The following CNNM2 variants were observed in gnomAD, a reference collection of about 807,000 sequenced individuals.
The protein encoded by CNNM2 is cyclin and CBS domain divalent metal cation transport mediator 2, also known as metal transporter CNNM2.
In CNNM2, 12 loss-of-function variants were observed where a neutral mutation model predicts 66.9. That is an observed-to-expected ratio of 0.18 (90% CI 0.11 to 0.29). The LOEUF is 0.29. Ranked by LOEUF, CNNM2 falls within the 10% of genes least tolerant of loss-of-function variation. CNNM2 has a pLI of 1.00. For missense variants in CNNM2, 705 were observed against 1,167.7 expected, an observed-to-expected ratio of 0.60 and a Z score of 5.77; for synonymous variants, 557 against 501.8, an observed-to-expected ratio of 1.11 and a Z score of -1.47.
At chr10:103,039,187 C>G (rs1388057500) in intron 1 of CNNM2, among the ~76,000 whole-genome samples, 2 of 152,042 alleles carry the variant, frequency 1.3e-5, no homozygotes, top group African/African-American at 4.8e-5. Flanking sequence ...CTCTGTCAGC[C>G]AGGCTGGAAT....
chr10:103,059,688 A>G (rs1413317423), intron 4 of CNNM2, among the ~76,000 whole-genome samples: 1 of 152,240 alleles, frequency 6.6e-6, no homozygotes, highest in Non-Finnish European at 1.5e-5. Flanking sequence ...ATACGTATGT[A>G]AGAAATAGGA....
intron 1 of CNNM2, among the ~76,000 whole-genome samples, chr10:102,920,738 C>T (rs1164624879): frequency 6.6e-6 from 1 of 152,092 alleles, no homozygotes; most frequent in South Asian, 2.1e-4. Flanking sequence ...CTTCTCTTAG[C>T]TAGAAAAGAG....
rs568103326 is a variant in CNNM2, at chr10:102,941,558, C to G, written c.1621+21457C>G. Among the ~76,000 whole-genome samples, 71 of 152,348 alleles carry G rather than the reference C, an allele frequency of 4.7e-4. 1 individual carries two copies. The South Asian group carries it at 0.014, about 31-fold the overall frequency. On this transcript the variant is annotated intron_variant, in intron 1 of 7. Coordinates refer to ENST00000369878, the MANE Select transcript of CNNM2 (RefSeq NM_017649.5). ...ACCTCTGGCTGTTTCCTGAGTGCCA[C>G]AGGTACTCTAGGCATGCCCCTGCCT...
intron 1 of CNNM2, among the ~76,000 whole-genome samples, chr10:102,955,609 T>G (rs1451485263): frequency 6.6e-6 from 1 of 152,052 alleles, no homozygotes; most frequent in Non-Finnish European, 1.5e-5. Context: ...GGGAGAAAAT[T>G]TTTGCAATCT....
At chr10:102,958,459 GTTTTTTTTTTTTTT>G (rs33992570) in intron 1 of CNNM2, among the ~76,000 whole-genome samples, 11 of 51,746 alleles carry the variant, frequency 2.1e-4, no homozygotes, top group Admixed American at 5.4e-4. Context: ...CAAGCAACTT[GTTTTTTTTTTTTTT>G]TTTTTTTTTT....
In CNNM2 at chr10:103,036,323, A is replaced by G. The variant is rs189032200; in HGVS notation, c.1622-13384A>G. On this transcript the variant is annotated intron_variant, in intron 1 of 7. Transcript: ENST00000369878. The stretch of plus-strand genomic sequence containing the variant: ...GGAGAAATTTCTTCTCTCCTTCAGA[A>G]AGTCTTAAGGCCCGGCTTTTAAGGC... Among the ~76,000 whole-genome samples the G allele has an allele frequency of 3.3e-4, 51 of 152,300 alleles. 1 individual carries two copies. Among genetic ancestry groups the G allele is most frequent in the Non-Finnish European group, 5.4e-4 (37 of 68,024 alleles).
chr10:102,987,113 A>G (rs2063810456), intron 1 of CNNM2, among the ~76,000 whole-genome samples: 1 of 152,152 alleles, frequency 6.6e-6, no homozygotes, highest in African/African-American at 2.4e-5. Flanking sequence ...CTGAAGGAGA[A>G]TGTTCAGAGG....
chr10:102,973,996 A>AT (rs2063587285), intron 1 of CNNM2, among the ~76,000 whole-genome samples: 1 of 152,242 alleles, frequency 6.6e-6, no homozygotes, highest in Non-Finnish European at 1.5e-5. Context: ...GGGGTGAAAG[A>AT]TAACTATTGA....
chr10:102,958,040 G>A (rs1188203578), intron 1 of CNNM2, among the ~76,000 whole-genome samples: 5 of 152,278 alleles, frequency 3.3e-5, no homozygotes, highest in East Asian at 1.9e-4. Context: ...GGGTTCAAGC[G>A]ATTTTCCTGC....
intron 1 of CNNM2, among the ~76,000 whole-genome samples, chr10:102,975,481 A>AC (rs1255808862): frequency 2.0e-5 from 3 of 151,202 alleles, no homozygotes; most frequent in East Asian, 1.9e-4. Context: ...AAAAAAAAAA[A>AC]AAAAAAACAA....
At chr10:103,049,984 C>A in intron 2 of CNNM2, 134 bp downstream of exon 2, 1 of 787,240 alleles carries the variant, frequency 1.3e-6, no homozygotes, top group Non-Finnish European at 2.0e-6. Context: ...CGTGCACAAC[C>A]TGTTGGTATA....
chr10:102,974,036 T>G (rs763313959), intron 1 of CNNM2, among the ~76,000 whole-genome samples: 6 of 152,220 alleles, frequency 3.9e-5, no homozygotes, highest in Non-Finnish European at 7.3e-5. Flanking sequence ...TTTGGAACTC[T>G]GGGGTTTTAA....
intron 1 of CNNM2, among the ~76,000 whole-genome samples, chr10:102,923,392 A>G (rs1261975120): frequency 1.3e-5 from 2 of 152,210 alleles, no homozygotes; most frequent in Admixed American, 6.5e-5. Context: ...CCATTTTACA[A>G]ATGAGGAAAT....
rs557726678 is a variant in CNNM2, at chr10:103,001,402, ACT to A, written c.1622-48302_1622-48301del. On this transcript the variant is annotated intron_variant, in intron 1 of 7. Transcript: ENST00000369878. ...TTATTACACAGCTACAGTAATGAAG[ACT>A]CTGTGTTAGTGGCCAAAGGATAAGC... Among the ~76,000 whole-genome samples the A allele has an allele frequency of 3.9e-3, 592 of 152,246 alleles. 2 individuals are homozygous for A. Among genetic ancestry groups the A allele is most frequent in the Middle Eastern group, 6.8e-3 (2 of 294 alleles).
chr10:103,043,984 C>T (rs1050302956), intron 1 of CNNM2, among the ~76,000 whole-genome samples: 6 of 152,326 alleles, frequency 3.9e-5, no homozygotes, highest in African/African-American at 4.8e-5. Context: ...CAAGAAAGGG[C>T]GCTCTCCCAA....
intron 1 of CNNM2, among the ~76,000 whole-genome samples, chr10:103,004,742 GGT>G (rs372401012): frequency 6.6e-6 from 1 of 152,192 alleles, no homozygotes; most frequent in Non-Finnish European, 1.5e-5. Flanking sequence ...CCTTTGTTTA[GGT>G]GTGTGTGAGT....
intron 1 of CNNM2, among the ~76,000 whole-genome samples, chr10:103,036,314 T>C (rs2064937733): frequency 6.6e-6 from 1 of 152,198 alleles, no homozygotes; most frequent in South Asian, 2.1e-4. Context: ...ATTTCTTCTC[T>C]CCTTCAGAAA....
At chr10:102,924,378 C>T (rs1175395570) in intron 1 of CNNM2, among the ~76,000 whole-genome samples, 1 of 152,154 alleles carries the variant, frequency 6.6e-6, no homozygotes, top group Non-Finnish European at 1.5e-5. Context: ...GCAGAGCATG[C>T]TATTTACAGC....
intron 6 of CNNM2, among the ~76,000 whole-genome samples, chr10:103,073,088 C>T (rs1294321345): frequency 6.6e-6 from 1 of 152,218 alleles, no homozygotes; most frequent in African/African-American, 2.4e-5. Flanking sequence ...CGCCTCTGCT[C>T]GCGCTGGCGC....
Sources: allele counts gnomAD v4.1 joint callset (sites outside exome capture counted in the v4.1 genomes callset), GRCh38; gene constraint gnomAD v4.1.1; transcripts MANE v1.5; gene names NCBI Gene and HGNC (gene_info 2026-07-23, HGNC 2026-07-21).